DNM3: variants seen among roughly 807,000 people sequenced by gnomAD.
The protein encoded by DNM3 is dynamin 3.
A neutral mutation model predicts 101.6 loss-of-function variants in DNM3; 47 were observed. The observed-to-expected ratio is 0.46, with a 90% CI of 0.37 to 0.59. The LOEUF is 0.59. DNM3 is among the 20% of genes least tolerant of loss of function. The pLI, the probability that DNM3 is intolerant of heterozygous loss-of-function variation, is 0.00. For missense variants in DNM3, 849 were observed against 1,085.7 expected (o/e 0.78, Z 3.06); for synonymous variants, 385 against 387.9 (o/e 0.99, Z 0.09).
intron 14 of DNM3, among the ~76,000 whole-genome samples, chr1:172,175,093 A>G (rs769637287): frequency 1.6e-4 from 24 of 151,808 alleles, no homozygotes; most frequent in Non-Finnish European, 2.8e-4. Flanking sequence ...TACCAATCTA[A>G]TGGCCATATA....
intron 2 of DNM3, among the ~76,000 whole-genome samples, chr1:171,931,093 T>TCC (rs2040969771): frequency 6.6e-6 from 1 of 152,096 alleles, no homozygotes; most frequent in Non-Finnish European, 1.5e-5. Flanking sequence ...AGGAATCAAT[T>TCC]TAACAAAAGA....
At chr1:171,853,655 C>G (rs1055624037) in intron 1 of DNM3, among the ~76,000 whole-genome samples, 3 of 152,002 alleles carry the variant, frequency 2.0e-5, no homozygotes, top group Non-Finnish European at 2.9e-5. Context: ...TCTTTTTGGT[C>G]AGCCTTTTCC....
chr1:172,093,514 C>G (rs1048263215), intron 13 of DNM3, among the ~76,000 whole-genome samples: 2 of 152,094 alleles, frequency 1.3e-5, no homozygotes, highest in Admixed American at 1.3e-4. Context: ...TATTTCTTTT[C>G]AAGTCAAAAC....
At chr1:172,307,417 C>T (rs188715935) in intron 15 of DNM3, among the ~76,000 whole-genome samples, 2 of 152,268 alleles carry the variant, frequency 1.3e-5, no homozygotes, top group Middle Eastern at 3.4e-3. Flanking sequence ...TGCTTTTACA[C>T]GGTTGGTGGG....
chr1:171,846,028 G>A lies in DNM3; in HGVS notation c.161+4211G>A, dbSNP rs373837642. ...TTATGCTGATATTTTTCAAGAAATT[G>A]CTTCTAAGTATTATAGTTATTAGAT... is the stretch of plus-strand genomic sequence containing the variant. On this transcript the variant is annotated intron_variant, in intron 1 of 20. Coordinates refer to ENST00000627582, the MANE Select transcript of DNM3 (RefSeq NM_015569.5). Among the ~76,000 whole-genome samples, 4 of 152,052 alleles carry A rather than the reference G, an allele frequency of 2.6e-5. No homozygotes were observed. In the East Asian group the frequency reaches 7.7e-4, roughly 29 times the overall value.
intron 14 of DNM3, among the ~76,000 whole-genome samples, chr1:172,231,388 C>A (rs144450758): frequency 0.025 from 3,822 of 152,224 alleles, 173 homozygotes; most frequent in African/African-American, 0.087. Context: ...AGGGTCCTGA[C>A]TCTTAGAAGG....
At chr1:172,054,522 A>G (rs184923639) in intron 10 of DNM3, among the ~76,000 whole-genome samples, 2 of 152,094 alleles carry the variant, frequency 1.3e-5, no homozygotes, top group East Asian at 3.9e-4. Context: ...TTTTTTAACC[A>G]CAGTTTAGCA....
intron 10 of DNM3, among the ~76,000 whole-genome samples, chr1:172,054,565 C>T (rs1315834144): frequency 2.6e-5 from 4 of 151,876 alleles, no homozygotes; most frequent in Non-Finnish European, 5.9e-5. Context: ...TGGGAACCGA[C>T]ATTCTTGGAT....
chr1:172,214,978 G>A (rs1012495287), intron 14 of DNM3, among the ~76,000 whole-genome samples: 2 of 152,042 alleles, frequency 1.3e-5, no homozygotes, highest in South Asian at 2.1e-4. Flanking sequence ...ATATGTTAAC[G>A]TAAGTTAATA....
At chr1:172,358,241 T>C (rs906007391) in intron 17 of DNM3, among the ~76,000 whole-genome samples, 16 of 152,096 alleles carry the variant, frequency 1.1e-4, no homozygotes, top group African/African-American at 3.6e-4. Context: ...TGTGCAAGAA[T>C]GTGCGCGTGT....
intron 2 of DNM3, among the ~76,000 whole-genome samples, chr1:171,974,916 A>G (rs112119317): frequency 6.6e-6 from 1 of 150,536 alleles, no homozygotes; most frequent in African/African-American, 2.5e-5. Flanking sequence ...GGCTGGAGTT[A>G]AAGGCTCACT....
chr1:172,345,981 C>T (rs904786086), intron 17 of DNM3, among the ~76,000 whole-genome samples: 1 of 151,764 alleles, frequency 6.6e-6, no homozygotes, highest in African/African-American at 2.4e-5. Context: ...ATTAGCCGGG[C>T]GTGCTTGTGG....
intron 15 of DNM3, among the ~76,000 whole-genome samples, chr1:172,298,682 A>C (rs2064279453): frequency 6.6e-6 from 1 of 152,120 alleles, no homozygotes; most frequent in Non-Finnish European, 1.5e-5. Context: ...AACACTCCTA[A>C]GCCATCATCT....
intron 1 of DNM3, among the ~76,000 whole-genome samples, chr1:171,878,565 CAG>C (rs2035981595): frequency 6.6e-6 from 1 of 152,090 alleles, no homozygotes. Flanking sequence ...TGTTAAGTGA[CAG>C]AGAGAAAGCA....
chr1:172,259,386 C>A (rs2062551757), intron 15 of DNM3, among the ~76,000 whole-genome samples: 1 of 152,008 alleles, frequency 6.6e-6, no homozygotes, highest in South Asian at 2.1e-4. Context: ...TCTTTCCCTT[C>A]AGGTCTAATA....
chr1:171,859,243 A>G lies in DNM3; in HGVS notation c.161+17426A>G, dbSNP rs184550811. Reference sequence around the variant, plus strand: ...TATTGTTCTTCACCCCACTATTATTATCTTGAATTTGGGTCTCCTTTCCTC... The same window carrying G: ...TATTGTTCTTCACCCCACTATTATTGTCTTGAATTTGGGTCTCCTTTCCTC... On this transcript the variant is annotated intron_variant, in intron 1 of 20. Coordinates refer to ENST00000627582, the MANE Select transcript of DNM3 (RefSeq NM_015569.5). Among the ~76,000 whole-genome samples the G allele has an allele frequency of 3.9e-3, 594 of 151,968 alleles. 1 individual carries two copies. Among genetic ancestry groups the G allele is most frequent in the African/African-American group, 0.014 (570 of 41,476 alleles).
rs1220415232 is a variant in DNM3 at position 172,163,960 on chromosome 1, C to T, written c.1659+32672C>T. Among the ~76,000 whole-genome samples, 363 of 63,180 alleles carry T rather than the reference C, an allele frequency of 5.7e-3. 2 individuals carry two copies. The highest frequency in any genetic ancestry group is 0.028 in the South Asian group (65 of 2,334). The allele number at this position is 63,180 out of a possible 152,430, so 41.4% of individuals were successfully genotyped here. ...ATACACATGCATACATATATATACA[C>T]ACACACACACACACACACACACACA... is the stretch of plus-strand genomic sequence containing the variant. On this transcript the variant is annotated intron_variant, in intron 14 of 20. Transcript: ENST00000627582.
chr1:172,279,646 C>A (rs2063412875), intron 15 of DNM3, among the ~76,000 whole-genome samples: 1 of 152,140 alleles, frequency 6.6e-6, no homozygotes, highest in Admixed American at 6.6e-5. Flanking sequence ...CTCCTCCAAT[C>A]TCCCAGTTGC....
At chr1:171,922,596 A>G (rs12081213) in intron 2 of DNM3, among the ~76,000 whole-genome samples, 1,657 of 152,350 alleles carry the variant, frequency 0.011, 33 homozygotes, top group African/African-American at 0.038. Context: ...AATAGATTTT[A>G]GTCTTTTCAC....
Sources: allele counts gnomAD v4.1 joint callset (sites outside exome capture counted in the v4.1 genomes callset), GRCh38; gene constraint gnomAD v4.1.1; transcripts MANE v1.5; gene names NCBI Gene and HGNC (gene_info 2026-07-23, HGNC 2026-07-21).